The following RBFOX3 variants were observed in gnomAD, a reference collection of about 807,000 sequenced individuals.
RBFOX3 encodes the protein RNA binding protein fox-1 homolog 3.
A neutral mutation model predicts 48.7 loss-of-function variants in RBFOX3; 17 were observed. The observed-to-expected ratio is 0.35, with a 90% CI of 0.24 to 0.52. The LOEUF (loss-of-function observed/expected upper bound fraction) is 0.52. Ranked by LOEUF, RBFOX3 falls within the 20% of genes least tolerant of loss-of-function variation. The pLI is 0.94. For missense variants in RBFOX3, 382 were observed against 497.5 expected (o/e 0.77, Z 2.21); for synonymous variants, 212 against 209.5 (o/e 1.01, Z -0.10).
At chr17:79,117,421 C>T (rs1455673593) in intron 4 of RBFOX3, among the ~76,000 whole-genome samples, 3 of 152,198 alleles carry the variant, frequency 2.0e-5, no homozygotes, top group South Asian at 2.1e-4. Context: ...TCCCATCACC[C>T]GGGGCCACGC....
intron 1 of RBFOX3, among the ~76,000 whole-genome samples, chr17:79,539,037 T>C (rs1189475648): frequency 1.3e-5 from 2 of 152,200 alleles, no homozygotes; most frequent in Admixed American, 1.3e-4. Flanking sequence ...AGATGTTTTA[T>C]ATGCTTAGAC....
intron 4 of RBFOX3, among the ~76,000 whole-genome samples, chr17:79,130,286 AG>A (rs565783524): frequency 2.2e-3 from 332 of 152,240 alleles, no homozygotes; most frequent in African/African-American, 7.7e-3. Context: ...TGGAAGGCCC[AG>A]GGCAGATCAA....
At chr17:79,506,061 A>G (rs2083070575) in intron 1 of RBFOX3, among the ~76,000 whole-genome samples, 1 of 152,226 alleles carries the variant, frequency 6.6e-6, no homozygotes, top group Admixed American at 6.5e-5. Flanking sequence ...CAAACGTTTT[A>G]AAGTTCCCAG....
intron 3 of RBFOX3, among the ~76,000 whole-genome samples, chr17:79,246,818 G>A (rs142464555): frequency 6.2e-4 from 94 of 152,290 alleles, no homozygotes; most frequent in Non-Finnish European, 1.1e-3. Flanking sequence ...GGGGATGCTG[G>A]GTTTGGTCCT....
At chr17:79,169,631 G>A (rs1442947326) in intron 4 of RBFOX3, among the ~76,000 whole-genome samples, 4 of 152,218 alleles carry the variant, frequency 2.6e-5, no homozygotes, top group South Asian at 2.1e-4. Context: ...GTGTGGTCCC[G>A]TGGCATGAGG....
intron 3 of RBFOX3, among the ~76,000 whole-genome samples, chr17:79,288,668 GC>G (rs1462161971): frequency 1.3e-5 from 2 of 152,026 alleles, no homozygotes; most frequent in African/African-American, 2.4e-5. Flanking sequence ...AAATCCCAGG[GC>G]CTCTTTCCCC....
chr17:79,566,593 T>G (rs1369400857), intron 1 of RBFOX3, among the ~76,000 whole-genome samples: 1 of 152,218 alleles, frequency 6.6e-6, no homozygotes, highest in Admixed American at 6.5e-5. Context: ...CTTGCAATGA[T>G]GGACAGAATC....
chr17:79,435,515 C>A (rs782690237), intron 2 of RBFOX3, among the ~76,000 whole-genome samples: 10 of 152,250 alleles, frequency 6.6e-5, no homozygotes, highest in Non-Finnish European at 1.2e-4. Flanking sequence ...CCCAGCTTTA[C>A]CTTTCTGTAG....
intron 1 of RBFOX3, among the ~76,000 whole-genome samples, chr17:79,561,345 A>C (rs2092201394): frequency 6.6e-6 from 1 of 152,154 alleles, no homozygotes; most frequent in Non-Finnish European, 1.5e-5. Flanking sequence ...TTCCAGGAAG[A>C]AACGCTGGAC....
At chr17:79,110,990 G>T (rs535480874) in intron 5 of RBFOX3, among the ~76,000 whole-genome samples, 3 of 152,246 alleles carry the variant, frequency 2.0e-5, no homozygotes, top group South Asian at 2.1e-4. Flanking sequence ...CAAGAACACA[G>T]TGACCAAGGG....
chr17:79,163,586 A>G (rs1040977866), intron 4 of RBFOX3, among the ~76,000 whole-genome samples: 22 of 152,198 alleles, frequency 1.4e-4, no homozygotes, highest in African/African-American at 5.3e-4. Context: ...GGGAACCGGG[A>G]AGGTTGTTGC....
At chr17:79,170,488 C>G (rs960034078) in intron 4 of RBFOX3, among the ~76,000 whole-genome samples, 1 of 152,084 alleles carries the variant, frequency 6.6e-6, no homozygotes, top group Non-Finnish European at 1.5e-5. Flanking sequence ...GCTGGGGGGG[C>G]AAGGCCTGGT....
chr17:79,638,054 C>T, the RBFOX3 span, among the ~76,000 whole-genome samples: 2,239 of 151,612 alleles, frequency 0.015, 59 homozygotes, highest in African/African-American at 0.051. Context: ...AAAACAAAAA[C>T]ACAATACACC....
chr17:79,335,743 C>T (rs1337653051), intron 2 of RBFOX3, among the ~76,000 whole-genome samples: 1 of 152,204 alleles, frequency 6.6e-6, no homozygotes, highest in Non-Finnish European at 1.5e-5. Flanking sequence ...ACCTGAGCCC[C>T]TCCAGGCCCC....
intron 2 of RBFOX3, among the ~76,000 whole-genome samples, chr17:79,314,648 G>C (rs747015605): frequency 2.6e-5 from 4 of 151,978 alleles, no homozygotes; most frequent in Admixed American, 2.6e-4. Context: ...TAAAAGGAAC[G>C]TATCAGAAAC....
At chr17:79,374,258 A>G (rs894720098) in intron 2 of RBFOX3, among the ~76,000 whole-genome samples, 9 of 152,314 alleles carry the variant, frequency 5.9e-5, no homozygotes, top group Non-Finnish European at 1.2e-4. Flanking sequence ...TGGGCGTGAG[A>G]GAAGTAAAGA....
intron 1 of RBFOX3, among the ~76,000 whole-genome samples, chr17:79,522,465 GCTAA>G (rs1355260817): frequency 6.6e-6 from 1 of 152,134 alleles, no homozygotes; most frequent in South Asian, 2.1e-4. Context: ...CCACCCCTGA[GCTAA>G]CTTTTACCCA....
At chr17:79,183,809 C>A (rs911276101) in intron 4 of RBFOX3, among the ~76,000 whole-genome samples, 1 of 152,190 alleles carries the variant, frequency 6.6e-6, no homozygotes, top group African/African-American at 2.4e-5. Flanking sequence ...GAATCCGGAG[C>A]GACGGCACAA....
intron 3 of RBFOX3, among the ~76,000 whole-genome samples, chr17:79,281,436 A>G (rs768869603): frequency 3.4e-4 from 45 of 131,388 alleles, no homozygotes; most frequent in Non-Finnish European, 5.3e-4. Flanking sequence ...GCTTGGATGC[A>G]TGTGGTTAGC....
Sources: gnomAD v4.1 joint callset for allele counts (sites outside exome capture counted in the v4.1 genomes callset) on GRCh38, gnomAD v4.1.1 for gene constraint, MANE v1.5 for transcripts, NCBI Gene and HGNC (gene_info 2026-07-23, HGNC 2026-07-21) for gene names.